The following SLC44A5 variants were observed in gnomAD, a reference collection of about 807,000 sequenced individuals.
The protein encoded by SLC44A5 is choline transporter-like protein 5.
Under a neutral mutation model 101.8 loss-of-function variants are expected in SLC44A5, and 57 were observed. The ratio of observed to expected loss-of-function variants is 0.56; its 90% confidence interval spans 0.45 to 0.70. The LOEUF is 0.70. Ranked by LOEUF, SLC44A5 falls within the 30% of genes least tolerant of loss-of-function variation. SLC44A5 has a pLI of 0.00. For synonymous variants in SLC44A5, 281 were observed against 290.9 expected, an observed-to-expected ratio of 0.97 and a Z score of 0.35; for missense variants, 737 against 853.1, an observed-to-expected ratio of 0.86 and a Z score of 1.70.
At chr1:75,680,849 A>C in the SLC44A5 span, among the ~76,000 whole-genome samples, 1 of 151,768 alleles carries the variant, frequency 6.6e-6, no homozygotes, top group Non-Finnish European at 1.5e-5. Context: ...GATCAACAAA[A>C]TTGATAGACG....
Position 75,218,724 on chromosome 1 carries a change from G to A in SLC44A5, c.1295C>T (p.Ala432Val). 1.2e-6 allele frequency: 2 copies of A among 1,612,478 alleles called. No individual in the cohort carries two copies. Among genetic ancestry groups the A allele is most frequent in the African/African-American group, 1.3e-5 (1 of 74,914 alleles). Residue 432 changes from alanine to valine, a missense_variant, in exon 17 of 24, where the codon GCT becomes GTT. By Grantham distance (64) the Ala-to-Val change is moderately conservative (BLOSUM62 0). Coordinates refer to ENST00000370859, the MANE Select transcript of SLC44A5 (RefSeq NM_001130058.2). ...AAAGTTACACAGAGCCCCAGGGCAA[G>A]CTTTGGCAATTTCAGTTGTATTAAA... ...EIFNTTEIAK[A>V]CPGALCNFAF...
chr1:75,634,597 A>T, the SLC44A5 span, among the ~76,000 whole-genome samples: 5 of 151,560 alleles, frequency 3.3e-5, no homozygotes, highest in Non-Finnish European at 5.9e-5. Flanking sequence ...TGCTGGGAAA[A>T]CTGGCTAGAC....
intron 3 of SLC44A5, among the ~76,000 whole-genome samples, chr1:75,355,991 C>T (rs963897849): frequency 1.3e-5 from 2 of 151,714 alleles, no homozygotes; most frequent in Admixed American, 1.3e-4. Flanking sequence ...GTGGGCAGAT[C>T]ATCTGAGGTC....
At chr1:75,467,212 T>C (rs1007297783) in intron 2 of SLC44A5, among the ~76,000 whole-genome samples, 16 of 151,890 alleles carry the variant, frequency 1.1e-4, no homozygotes, top group African/African-American at 3.9e-4. Context: ...TATTCCAGGT[T>C]CATATACTGA....
intron 1 of SLC44A5, among the ~76,000 whole-genome samples, chr1:75,558,813 T>C (rs925521491): frequency 6.6e-6 from 1 of 152,102 alleles, no homozygotes; most frequent in Non-Finnish European, 1.5e-5. Flanking sequence ...CAGAGTGATC[T>C]TGGTCACACA....
chr1:75,711,209 G>A, the SLC44A5 span, among the ~76,000 whole-genome samples: 1 of 152,166 alleles, frequency 6.6e-6, no homozygotes, highest in Admixed American at 6.5e-5. Flanking sequence ...GACCCAAACA[G>A]CCATAGGCCA....
At chr1:75,566,477 C>T (rs1369915192) in intron 1 of SLC44A5, among the ~76,000 whole-genome samples, 1 of 152,148 alleles carries the variant, frequency 6.6e-6, no homozygotes, top group African/African-American at 2.4e-5. Flanking sequence ...CCCAAAGCTT[C>T]AGTACCAGTA....
At position 75,556,133 on chromosome 1, in the gene SLC44A5, A is replaced by G. The variant is rs1238813931; in HGVS notation, c.-69-14617T>C. ...TGAAGAAGTCATCAGAGGTGATGAT[A>G]TAGTTATTATTTTTATTGTGATCAT... On this transcript the variant is annotated intron_variant, in intron 1 of 23. Transcript: ENST00000370859. 3.9e-5 allele frequency among the ~76,000 whole-genome samples: 6 copies of G among 152,118 alleles called. No homozygotes were observed. The East Asian group carries it at 1.2e-3, about 29-fold the overall frequency.
intron 4 of SLC44A5, among the ~76,000 whole-genome samples, chr1:75,312,237 G>A (rs1388728505): frequency 2.0e-5 from 3 of 152,064 alleles, no homozygotes; most frequent in Admixed American, 1.3e-4. Flanking sequence ...CAGCTATGTG[G>A]AACGGAGTCA....
intron 2 of SLC44A5, among the ~76,000 whole-genome samples, chr1:75,460,696 A>G (rs1666448886): frequency 6.6e-6 from 1 of 152,208 alleles, no homozygotes; most frequent in South Asian, 2.1e-4. Flanking sequence ...AGGGATCTAG[A>G]CATTGGAATT....
Position 75,202,888 on chromosome 1 carries a change from T to A in SLC44A5, c.*839A>T, listed in dbSNP as rs1045513388. ...AAAAAAAACAAAGAAATCCAACAAG[T>A]GTTCTTTCGGGGTTTGTTTCTTCTT... On this transcript the variant is annotated 3_prime_UTR_variant, in exon 24 of 24. Transcript: ENST00000370859. The A allele has an allele frequency of 1.3e-5, 2 of 151,514 alleles. No homozygotes were observed. The highest frequency in any genetic ancestry group is 2.1e-4 in the South Asian group (1 of 4,810). The allele number at this position is 151,514 out of a possible 1,614,324, so 9.4% of individuals were successfully genotyped here. A position where few individuals can be genotyped will look rare whatever the true frequency, so the allele number is the denominator to read the frequency against.
chr1:75,222,417 C>T lies in SLC44A5; in HGVS notation c.1029G>A (p.Leu343=), dbSNP rs773806865. The T allele has an allele frequency of 4.3e-6, 7 of 1,613,382 alleles. No individual in the cohort carries two copies. Among genetic ancestry groups the T allele is most frequent in the Non-Finnish European group, 5.9e-6 (7 of 1,179,862 alleles). ...CTCGGATTCGATTCCTGAGGAAGATCAGCATGAGGATGACAATCACTTCAA... is the reference window on the plus strand; with the variant it reads ...CTCGGATTCGATTCCTGAGGAAGATTAGCATGAGGATGACAATCACTTCAA... ...CIIEVIVILM[L]IFLRNRIRVA... Residue 343 remains leucine, a synonymous_variant, in exon 14 of 24, where the codon CTG becomes CTA. Transcript: ENST00000370859.
intron 3 of SLC44A5, among the ~76,000 whole-genome samples, chr1:75,367,108 G>A (rs1369245118): frequency 6.6e-6 from 1 of 152,168 alleles, no homozygotes; most frequent in South Asian, 2.1e-4. Flanking sequence ...TGTAATCCAG[G>A]TAGCCTTGCA....
intron 2 of SLC44A5, among the ~76,000 whole-genome samples, chr1:75,494,267 T>C (rs1156715481): frequency 6.6e-6 from 1 of 152,142 alleles, no homozygotes; most frequent in African/African-American, 2.4e-5. Flanking sequence ...CATTATAAAT[T>C]ACCCAGTCTC....
upstream of SLC44A5, among the ~76,000 whole-genome samples, chr1:75,614,015 T>C (rs1675764143): frequency 6.6e-6 from 1 of 152,192 alleles, no homozygotes; most frequent in African/African-American, 2.4e-5. Context: ...CCACTCTTCA[T>C]GGACCATTTA....
chr1:75,388,362 A>G (rs1230020567), intron 3 of SLC44A5, among the ~76,000 whole-genome samples: 1 of 152,146 alleles, frequency 6.6e-6, no homozygotes, highest in Admixed American at 6.6e-5. Flanking sequence ...ACAAAAACAC[A>G]TAAGTACATA....
At chr1:75,518,375 T>G (rs1319026753) in intron 2 of SLC44A5, among the ~76,000 whole-genome samples, 1 of 152,198 alleles carries the variant, frequency 6.6e-6, no homozygotes, top group Non-Finnish European at 1.5e-5. Context: ...GAAAATTAAA[T>G]TAAGTCCCCA....
chr1:75,516,035 T>C (rs2101883012), intron 2 of SLC44A5, among the ~76,000 whole-genome samples: 1 of 152,306 alleles, frequency 6.6e-6, no homozygotes, highest in Admixed American at 6.5e-5. Flanking sequence ...TTTTAAATAA[T>C]TGAAAGGGGC....
chr1:75,434,643 G>A (rs573288219), intron 2 of SLC44A5, among the ~76,000 whole-genome samples: 1 of 152,022 alleles, frequency 6.6e-6, no homozygotes, highest in Non-Finnish European at 1.5e-5. Context: ...TGCTGTGGCC[G>A]GGTCCTAACC....
Sources: gnomAD v4.1 joint callset for allele counts (sites outside exome capture counted in the v4.1 genomes callset) on GRCh38, gnomAD v4.1.1 for gene constraint, MANE v1.5 for transcripts, NCBI Gene and HGNC (gene_info 2026-07-23, HGNC 2026-07-21) for gene names.